NF1: variants seen among roughly 807,000 people sequenced by gnomAD.
NF1 encodes the protein neurofibromin 1, also known as neurofibromin.
A neutral mutation model predicts 325.7 loss-of-function variants in NF1; 122 were observed. The ratio of observed to expected loss-of-function variants is 0.37; its 90% CI spans 0.32 to 0.44. The LOEUF is 0.44. Among genes scored for constraint, NF1 ranks in the 20% least tolerant of loss-of-function variants. The pLI, the probability that NF1 is intolerant of heterozygous loss-of-function variation, is 1.00. For missense variants in NF1, 2,140 were observed against 3,415.4 expected (o/e 0.63, Z 9.31); for synonymous variants, 1,091 against 1,186.0 (o/e 0.92, Z 1.65).
intron 13 of NF1, among the ~76,000 whole-genome samples, chr17:31,215,374 C>T (rs774088560): frequency 2.4e-4 from 37 of 152,092 alleles, no homozygotes; most frequent in Admixed American, 9.2e-4. Context: ...TTAGGAACAA[C>T]GCAAATAATA....
chr17:31,317,009 T>G (rs2069037726), intron 36 of NF1, among the ~76,000 whole-genome samples: 1 of 152,188 alleles, frequency 6.6e-6, no homozygotes, highest in Admixed American at 6.5e-5. Context: ...TAGGCATTGG[T>G]GTTTTTTAAA....
At position 31,375,881 on chromosome 17, in the gene NF1, GAATT is replaced by G. The variant is rs2070724980; in HGVS notation, c.*1728_*1731del. 2 of 232,556 alleles carry G rather than the reference GAATT, an allele frequency of 8.6e-6. No homozygotes were observed. The highest frequency in any genetic ancestry group is 5.6e-5 in the Admixed American group (1 of 17,756). 14.4% of individuals were successfully genotyped at this position (232,556 alleles called of 1,614,324 possible). A position where few individuals can be genotyped will look rare whatever the true frequency, so the allele number is the denominator to read the frequency against. ...TTGTTTACAGTCCTGGGAAAAGTAA[GAATT>G]ATTTGCCAAAATAAGAGGAAAGAAA... On this transcript the variant is annotated 3_prime_UTR_variant, in exon 58 of 58. Coordinates refer to ENST00000358273, the MANE Select transcript of NF1 (RefSeq NM_001042492.3).
At chr17:31,254,239 T>G in intron 31 of NF1, 1 of 122,920 alleles carries the variant, frequency 8.1e-6, no homozygotes, top group African/African-American at 3.2e-5. Context: ...ATCACTGTAC[T>G]CCACCATGAG....
intron 1 of NF1, among the ~76,000 whole-genome samples, chr17:31,154,182 A>G (rs1917153560): frequency 6.8e-6 from 1 of 146,986 alleles, no homozygotes; most frequent in African/African-American, 2.5e-5. Flanking sequence ...CAGCCTCCCT[A>G]GTAGCTGGGA....
chr17:31,314,274 A>G, intron 36 of NF1: 1 of 322,200 alleles, frequency 3.1e-6, no homozygotes, highest in Non-Finnish European at 5.6e-6. Context: ...GAGATACTCT[A>G]GTAATATGAT....
intron 57 of NF1, chr17:31,361,081 CAAAAAAA>C (rs60249232): frequency 4.7e-4 from 22 of 46,568 alleles, no homozygotes; most frequent in Admixed American, 3.3e-3. Flanking sequence ...CATACTATAT[CAAAAAAA>C]AAAAAAAAAA....
chr17:31,308,164 G>A (rs1323765396), intron 36 of NF1, among the ~76,000 whole-genome samples: 7 of 151,284 alleles, frequency 4.6e-5, no homozygotes, highest in Non-Finnish European at 8.8e-5. Flanking sequence ...TTTGGAGACA[G>A]AGTCGTTCTG....
rs1489818104 is a variant in NF1 at position 31,235,724 on chromosome 17, C to G, written c.3822C>G (p.Leu1274=). 6.2e-7 allele frequency: 1 copy of G among 1,614,140 alleles called. No homozygotes were observed. The highest frequency in any genetic ancestry group is 8.5e-7 in the Non-Finnish European group (1 of 1,180,018). ...AATTGGCAGACTCCATGCAGACTCT[C>G]TTCCGAGGCAACAGCTTGGCCAGTA... ...EVELADSMQT[L]FRGNSLASKI... Residue 1274 remains leucine (L), a synonymous_variant, in exon 28 of 58, where the codon CTC becomes CTG. Transcript: ENST00000358273.
intron 45 of NF1, 78 bp from the exon 46 acceptor site, chr17:31,338,626 A>G: frequency 1.1e-6 from 1 of 918,534 alleles, no homozygotes; most frequent in East Asian, 2.4e-5. Context: ...ATGTTCCTGA[A>G]TTCATTCCGA....
chr17:31,204,302 G>C (rs2066582278), intron 11 of NF1, among the ~76,000 whole-genome samples: 1 of 152,074 alleles, frequency 6.6e-6, no homozygotes, highest in Non-Finnish European at 1.5e-5. Context: ...TTTCTACTGA[G>C]AGGTTGTAGT....
chr17:31,249,408 A>G (rs2067456325), intron 30 of NF1, among the ~76,000 whole-genome samples: 1 of 152,234 alleles, frequency 6.6e-6, no homozygotes, highest in South Asian at 2.1e-4. Flanking sequence ...GGCTGAAATG[A>G]ACATATTATG....
intron 36 of NF1, chr17:31,296,245 T>C (rs1032039365): frequency 9.3e-6 from 15 of 1,613,936 alleles, no homozygotes; most frequent in Non-Finnish European, 1.3e-5. Context: ...TGCATATACA[T>C]TGGAGAGGAC....
At chr17:31,133,442 T>A (rs1045715485) in intron 1 of NF1, 5 of 152,220 alleles carry the variant, frequency 3.3e-5, no homozygotes, top group Admixed American at 6.5e-5. Context: ...GCCATGAACA[T>A]GGGTGTGCAG....
chr17:31,162,777 C>T (rs1275226957), intron 3 of NF1, among the ~76,000 whole-genome samples: 3 of 152,300 alleles, frequency 2.0e-5, no homozygotes, highest in South Asian at 2.1e-4. Flanking sequence ...TGTGATGGCT[C>T]ACCCAGGAAT....
At chr17:31,327,967 C>A in intron 38 of NF1, 128 bp downstream of exon 38, 1 of 849,080 alleles carries the variant, frequency 1.2e-6, no homozygotes. Flanking sequence ...TGTTGGTTAA[C>A]CACTGTGACC....
chr17:31,363,007 G>C (rs1481952606), intron 57 of NF1, among the ~76,000 whole-genome samples: 1 of 152,160 alleles, frequency 6.6e-6, no homozygotes, highest in Non-Finnish European at 1.5e-5. Flanking sequence ...TTTGGTTCCA[G>C]TTTCAAACTA....
chr17:31,296,524 G>T, intron 36 of NF1: 1 of 622,214 alleles, frequency 1.6e-6, no homozygotes, highest in Non-Finnish European at 2.9e-6. Context: ...TCCTTCAATT[G>T]GGCTATGTGG....
intron 1 of NF1, among the ~76,000 whole-genome samples, chr17:31,098,594 G>A (rs1394924878): frequency 6.6e-6 from 1 of 152,044 alleles, no homozygotes; most frequent in African/African-American, 2.4e-5. Context: ...CATTTTTATT[G>A]AGGGGAGAAA....
At chr17:31,349,967 T>A (rs1377104351) in intron 49 of NF1, among the ~76,000 whole-genome samples, 1 of 152,220 alleles carries the variant, frequency 6.6e-6, no homozygotes, top group Non-Finnish European at 1.5e-5. Flanking sequence ...CCCTGCCTAC[T>A]TTGTGTTTGT....
Sources: gnomAD v4.1 joint callset for allele counts (sites outside exome capture counted in the v4.1 genomes callset) on GRCh38, gnomAD v4.1.1 for gene constraint, MANE v1.5 for transcripts, NCBI Gene and HGNC (gene_info 2026-07-23, HGNC 2026-07-21) for gene names.